CNOT9: variants seen among roughly 807,000 people sequenced by gnomAD.
CNOT9 encodes the protein RCD1 required for cell differentiation1 homolog.
In CNOT9, 8 loss-of-function variants were observed where a neutral mutation model predicts 37.4. That is an observed-to-expected ratio of 0.21 (90% CI 0.13 to 0.39). CNOT9 has a LOEUF of 0.39. Ranked by LOEUF, CNOT9 falls within the 10% of genes least tolerant of loss-of-function variation. The pLI is 1.00. For synonymous variants in CNOT9, 120 were observed against 137.6 expected (o/e 0.87, Z 0.90); for missense variants, 154 against 365.3 (o/e 0.42, Z 4.71).
At chr2:218,589,076 A>G (rs1344825812) in intron 5 of CNOT9, 4 of 151,760 alleles carry the variant, frequency 2.6e-5, no homozygotes, top group Non-Finnish European at 5.9e-5. Flanking sequence ...TACTGCTGAC[A>G]ATTTTGGGTA....
At chr2:218,590,791 A>G (rs867970189) in intron 5 of CNOT9, among the ~76,000 whole-genome samples, 42 of 126,384 alleles carry the variant, frequency 3.3e-4, no homozygotes, top group African/African-American at 1.2e-3. Flanking sequence ...CTCTCCCTAC[A>G]TCTCTCTTGT....
rs1352268011 is a variant in CNOT9, at chr2:218,568,883, T to G, written c.-72T>G. On this transcript the variant is annotated 5_prime_UTR_variant, in exon 1 of 8. Coordinates refer to ENST00000273064, the MANE Select transcript of CNOT9 (RefSeq NM_005444.3). ...GCTACGGCGGCTCATTGTTTTCCGCTGCAGGGGTGCTGAAGGGGGGACGCG... is the reference window on the plus strand; with the variant it reads ...GCTACGGCGGCTCATTGTTTTCCGCGGCAGGGGTGCTGAAGGGGGGACGCG... The G allele has an allele frequency of 2.6e-6, 4 of 1,550,770 alleles. No homozygotes were observed. Among genetic ancestry groups the G allele is most frequent in the African/African-American group, 2.7e-5 (2 of 73,504 alleles).
intron 1 of CNOT9, among the ~76,000 whole-genome samples, chr2:218,574,703 A>G (rs575690879): frequency 4.6e-5 from 7 of 152,356 alleles, no homozygotes; most frequent in African/African-American, 9.6e-5. Flanking sequence ...GGTATGCTCA[A>G]TAAATATTAC....
At position 218,596,092 on chromosome 2, in the gene CNOT9, A is replaced by G. The variant is rs1694919220; in HGVS notation, c.*1816A>G. 2 of 152,200 alleles carry G rather than the reference A, an allele frequency of 1.3e-5. No individual in the cohort carries two copies. Among genetic ancestry groups the G allele is most frequent in the Non-Finnish European group, 2.9e-5 (2 of 68,078 alleles). The allele number at this position is 152,200 out of a possible 1,614,324, so 9.4% of individuals were successfully genotyped here. A position where few individuals can be genotyped will look rare whatever the true frequency, so the allele number is the denominator to read the frequency against. The stretch of plus-strand genomic sequence containing the variant: ...CCAGTTAAGGTAACCCAGATTTTTG[A>G]CAACCGCCTTCCTGCTGAGCCAAAG... On this transcript the variant is annotated 3_prime_UTR_variant, in exon 8 of 8. Coordinates refer to ENST00000273064, the MANE Select transcript of CNOT9 (RefSeq NM_005444.3).
At chr2:218,581,784 G>A (rs557779735) in intron 2 of CNOT9, among the ~76,000 whole-genome samples, 3 of 152,260 alleles carry the variant, frequency 2.0e-5, no homozygotes, top group Admixed American at 6.5e-5. Context: ...TACAAATAAT[G>A]TAAATGGAAA....
At chr2:218,569,935 C>T (rs1055705508) in intron 1 of CNOT9, among the ~76,000 whole-genome samples, 2 of 152,154 alleles carry the variant, frequency 1.3e-5, no homozygotes, top group African/African-American at 2.4e-5. Context: ...AAATTAGTTC[C>T]GCAGCCTCTA....
intron 1 of CNOT9, among the ~76,000 whole-genome samples, chr2:218,569,646 T>G (rs1285912637): frequency 6.6e-6 from 1 of 152,256 alleles, no homozygotes; most frequent in Non-Finnish European, 1.5e-5. Context: ...AACCCACGTT[T>G]ATAATCTCGT....
chr2:218,592,160 A>C lies in CNOT9; in HGVS notation c.541-144A>C. 1 of 632,184 alleles carries C rather than the reference A, an allele frequency of 1.6e-6. No homozygotes were observed. Among genetic ancestry groups the C allele is most frequent in the Non-Finnish European group, 2.8e-6 (1 of 354,914 alleles). The allele number at this position is 632,184 out of a possible 1,614,324, so 39.2% of individuals were successfully genotyped here. A position where few individuals can be genotyped will look rare whatever the true frequency, so the allele number is the denominator to read the frequency against. ...ATATTTATTATTCTTTGTACTATAC[A>C]TATATGATAAAGTTGTACATAATAT... On this transcript the variant is annotated intron_variant, in intron 5 of 7. Transcript: ENST00000273064. This position sits in a 1 kb window ranked among gnomAD's most constrained non-coding sequence, Gnocchi z 4.1.
chr2:218,581,232 A>G, intron 2 of CNOT9: 1 of 220,400 alleles, frequency 4.5e-6, no homozygotes, highest in Admixed American at 5.1e-5. Flanking sequence ...GCAATGGTGC[A>G]ATCCCGGCTC....
intron 2 of CNOT9, chr2:218,581,078 G>A: frequency 2.1e-6 from 1 of 479,746 alleles, no homozygotes; most frequent in Non-Finnish European, 4.1e-6. Flanking sequence ...ACATGACAGG[G>A]GGAGGAAGGT....
chr2:218,572,407 G>A (rs1574983268), intron 1 of CNOT9, among the ~76,000 whole-genome samples: 2 of 151,514 alleles, frequency 1.3e-5, no homozygotes, highest in Admixed American at 1.3e-4. Context: ...CCAGACTTCA[G>A]CTTTGGGAAT....
At chr2:218,580,255 C>T (rs1045239800) in intron 1 of CNOT9, among the ~76,000 whole-genome samples, 3 of 152,152 alleles carry the variant, frequency 2.0e-5, no homozygotes, top group South Asian at 2.1e-4. Context: ...AGGGGTGTGC[C>T]ACCGCGCCCG....
chr2:218,593,950 A>G (rs997580535), intron 7 of CNOT9, 158 bp from the exon 8 acceptor site: 8 of 956,356 alleles, frequency 8.4e-6, no homozygotes, highest in Non-Finnish European at 1.1e-5. Flanking sequence ...CTCTAAGCCT[A>G]TGCCTAATAT....
intron 2 of CNOT9, 82 bp downstream of exon 2, chr2:218,580,822 G>T (rs899136184): frequency 1.6e-6 from 2 of 1,257,384 alleles, no homozygotes; most frequent in African/African-American, 3.0e-5. Context: ...ATGATTTGAA[G>T]ACTTTAGGAG....
intron 3 of CNOT9, among the ~76,000 whole-genome samples, 172 bp downstream of exon 3, chr2:218,583,258 TCTCTCTC>T (rs1442663551): frequency 3.1e-4 from 39 of 126,954 alleles, no homozygotes; most frequent in African/African-American, 1.3e-3. Context: ...TCTCTCTCTC[TCTCTCTC>T]TCTCTCTCTC....
chr2:218,593,891 A>G (rs1318809740), intron 7 of CNOT9: 7 of 1,048,890 alleles, frequency 6.7e-6, no homozygotes, highest in East Asian at 2.8e-5. Context: ...ATGAAATTCT[A>G]CATTGGGGCA....
At position 218,596,538 on chromosome 2, in the gene CNOT9, AACAC is replaced by A. The variant is rs36013982; in HGVS notation, c.*2282_*2285del. 6,948 of 149,892 alleles carry A rather than the reference AACAC, an allele frequency of 0.046. 431 individuals carry two copies. The highest frequency in any genetic ancestry group is 0.15 in the African/African-American group (6,166 of 41,108). 9.3% of individuals were successfully genotyped at this position (149,892 alleles called of 1,614,324 possible). On this transcript the variant is annotated 3_prime_UTR_variant, in exon 8 of 8. Transcript: ENST00000273064. ...GCTTCTCCCCTCTGTCTACCTACAC[AACAC>A]ACACACACACACACACACAGCCCTG...
At chr2:218,593,442 C>T (rs1574999649) in intron 7 of CNOT9, 1 of 755,214 alleles carries the variant, frequency 1.3e-6, no homozygotes, top group Non-Finnish European at 2.0e-6. Flanking sequence ...TAAAATTCTA[C>T]TTGTACAAAG....
intron 2 of CNOT9, 68 bp downstream of exon 2, chr2:218,580,808 C>T (rs902217830): frequency 1.1e-4 from 153 of 1,419,648 alleles, no homozygotes; most frequent in Non-Finnish European, 1.4e-4. Context: ...TTACCTTTGC[C>T]CAAATGATTT....
Sources: gnomAD v4.1 joint callset for allele counts (sites outside exome capture counted in the v4.1 genomes callset) on GRCh38, gnomAD v4.1.1 for gene constraint, Gnocchi (gnomAD v3.1) non-coding constraint, MANE v1.5 for transcripts, NCBI Gene and HGNC (gene_info 2026-07-23, HGNC 2026-07-21) for gene names.